Variants in KIFAP3 observed in about 807,000 individuals in gnomAD.
KIFAP3 encodes the protein kinesin-associated protein 3.
In KIFAP3, 68 loss-of-function variants were observed where a neutral mutation model predicts 106.5. The ratio of observed to expected loss-of-function variants is 0.64; its 90% CI spans 0.53 to 0.78. The LOEUF (loss-of-function observed/expected upper bound fraction) is 0.78. KIFAP3 is among the 30% of genes least tolerant of loss of function. The pLI, the probability that KIFAP3 is intolerant of heterozygous loss-of-function variation, is 0.00. For synonymous variants in KIFAP3, 320 were observed against 311.5 expected, an observed-to-expected ratio of 1.03 and a Z score of -0.29; for missense variants, 780 against 941.8, an observed-to-expected ratio of 0.83 and a Z score of 2.25.
intron 1 of KIFAP3, among the ~76,000 whole-genome samples, chr1:170,066,802 C>T (rs1397983993): frequency 6.6e-6 from 1 of 152,024 alleles, no homozygotes; most frequent in East Asian, 1.9e-4. Context: ...CGGTCACCAA[C>T]AAGACTAAAA....
Position 169,954,085 on chromosome 1 carries a change from G to A in KIFAP3, c.2199C>T (p.Ala733=), listed in dbSNP as rs1403272921. The A allele has an allele frequency of 1.2e-6, 2 of 1,612,116 alleles. No individual in the cohort carries two copies. The highest frequency in any genetic ancestry group is 2.2e-5 in the East Asian group (1 of 44,820). Residue 733 remains alanine, a synonymous_variant, in exon 19 of 20, where the codon GCC becomes GCT. Transcript: ENST00000361580. ...AATCATTGAAGAAATCGGGACTTATGGCTCCTTCAGAGGCAATTAATCCAT... is the reference window on the plus strand; with the variant it reads ...AATCATTGAAGAAATCGGGACTTATAGCTCCTTCAGAGGCAATTAATCCAT... The part of the protein sequence containing the change: ...NSDGLIASEG[A]ISPDFFNDYH...
At chr1:169,923,761 C>T (rs1662958617) in intron 19 of KIFAP3, among the ~76,000 whole-genome samples, 1 of 152,304 alleles carries the variant, frequency 6.6e-6, no homozygotes, top group African/African-American at 2.4e-5. Context: ...GTAATTCTAC[C>T]TAAAAGAAGA....
intron 10 of KIFAP3, among the ~76,000 whole-genome samples, chr1:170,003,396 C>A (rs533187739): frequency 1.5e-4 from 23 of 152,274 alleles, no homozygotes; most frequent in Non-Finnish European, 2.2e-4. Context: ...AAAACAAACC[C>A]TCTATAACAA....
rs750611373 is a variant in KIFAP3, at chr1:169,983,314, T to C, written c.1462A>G (p.Arg488Gly). The change falls in exon 13 of 20, where the codon AGA becomes GGA. Residue 488 changes from arginine to glycine, a missense_variant. By Grantham distance (125) the Arg-to-Gly change is moderately radical. Transcript: ENST00000361580. ...FKDPLLMKMI[R>G]NISQHDGPTK... Reference sequence around the variant, plus strand: ...GGTCCATCATGCTGAGAAATGTTTCTAATCATTTTCATCAGCAATGGATCC... The same window carrying C: ...GGTCCATCATGCTGAGAAATGTTTCCAATCATTTTCATCAGCAATGGATCC... 2 of 1,609,470 alleles carry C rather than the reference T, an allele frequency of 1.2e-6. No individual in the cohort carries two copies. The highest frequency in any genetic ancestry group is 1.3e-5 in the African/African-American group (1 of 74,626).
At chr1:170,069,606 A>T (rs1671602901) in intron 1 of KIFAP3, among the ~76,000 whole-genome samples, 1 of 152,166 alleles carries the variant, frequency 6.6e-6, no homozygotes. Flanking sequence ...ATCTGACAAA[A>T]CCCAACATCT....
intron 17 of KIFAP3, among the ~76,000 whole-genome samples, chr1:169,971,280 G>A (rs1665906273): frequency 6.6e-6 from 1 of 151,888 alleles, no homozygotes; most frequent in Admixed American, 6.6e-5. Context: ...ACTATAAGAA[G>A]TTTTTTGTTC....
At chr1:170,064,723 A>G (rs1671348315) in intron 1 of KIFAP3, among the ~76,000 whole-genome samples, 1 of 152,214 alleles carries the variant, frequency 6.6e-6, no homozygotes, top group African/African-American at 2.4e-5. Context: ...TCCTTAAATC[A>G]TGAATGTGTA....
chr1:170,072,503 G>A (rs529880623), intron 1 of KIFAP3, among the ~76,000 whole-genome samples: 3 of 152,212 alleles, frequency 2.0e-5, no homozygotes, highest in East Asian at 1.9e-4. Flanking sequence ...GGAAAGATGA[G>A]GAATTAGCGG....
intron 19 of KIFAP3, among the ~76,000 whole-genome samples, chr1:169,925,413 G>A (rs1663081121): frequency 6.6e-6 from 1 of 151,742 alleles, no homozygotes; most frequent in Non-Finnish European, 1.5e-5. Context: ...TGGGTACCTA[G>A]AAAGAAAAAT....
intron 1 of KIFAP3, among the ~76,000 whole-genome samples, chr1:170,082,771 G>A (rs1276570638): frequency 6.6e-6 from 1 of 151,840 alleles, no homozygotes. Context: ...TCAGGAGTTC[G>A]AGACTAGCCT....
At chr1:170,038,899 A>G (rs1464383183) in intron 4 of KIFAP3, among the ~76,000 whole-genome samples, 1 of 152,166 alleles carries the variant, frequency 6.6e-6, no homozygotes. Flanking sequence ...CCTGACCAAC[A>G]TGGTGAAACC....
intron 8 of KIFAP3, among the ~76,000 whole-genome samples, chr1:170,028,704 G>A (rs1266065747): frequency 3.9e-5 from 6 of 152,040 alleles, no homozygotes; most frequent in African/African-American, 1.5e-4. Context: ...GTTGGGAGAG[G>A]GAAGAAATGA....
intron 1 of KIFAP3, among the ~76,000 whole-genome samples, chr1:170,082,888 G>T (rs1426196228): frequency 2.0e-5 from 3 of 152,216 alleles, no homozygotes; most frequent in South Asian, 4.2e-4. Context: ...CATGAGAATC[G>T]CCTGAACCCA....
chr1:170,070,781 T>C (rs530129235), intron 1 of KIFAP3, among the ~76,000 whole-genome samples: 6 of 152,282 alleles, frequency 3.9e-5, no homozygotes, highest in South Asian at 4.1e-4. Context: ...TAAATAACGA[T>C]GCCAAAAGCA....
chr1:170,072,551 A>T (rs949184811), intron 1 of KIFAP3, among the ~76,000 whole-genome samples: 1 of 152,234 alleles, frequency 6.6e-6, no homozygotes, highest in African/African-American at 2.4e-5. Flanking sequence ...AAGGAAGGGC[A>T]TGTAAGAATC....
At chr1:170,053,400 C>T (rs1255004549) in intron 2 of KIFAP3, among the ~76,000 whole-genome samples, 1 of 151,548 alleles carries the variant, frequency 6.6e-6, no homozygotes, top group Non-Finnish European at 1.5e-5. Flanking sequence ...AAAAAAATGG[C>T]CATACTGCTC....
chr1:170,071,957 T>C (rs1305664903), intron 1 of KIFAP3, among the ~76,000 whole-genome samples: 2 of 152,222 alleles, frequency 1.3e-5, no homozygotes, highest in African/African-American at 4.8e-5. Flanking sequence ...ATAGCACTCA[T>C]AAATACAATA....
At chr1:169,959,426 T>C (rs1665198112) in intron 18 of KIFAP3, among the ~76,000 whole-genome samples, 1 of 152,172 alleles carries the variant, frequency 6.6e-6, no homozygotes, top group Non-Finnish European at 1.5e-5. Context: ...GTCTATCATA[T>C]CATCAGGCTA....
At chr1:170,061,191 A>G (rs11487551) in intron 1 of KIFAP3, among the ~76,000 whole-genome samples, 115,435 of 151,606 alleles carry the variant, frequency 0.76, 44,385 homozygotes, top group East Asian at 0.99. Flanking sequence ...GAGCTTCTGC[A>G]CAGCAAAAGA....
Sources: gnomAD v4.1 joint callset for allele counts (sites outside exome capture counted in the v4.1 genomes callset) on GRCh38, gnomAD v4.1.1 for gene constraint, MANE v1.5 for transcripts, NCBI Gene and HGNC (gene_info 2026-07-23, HGNC 2026-07-21) for gene names.